RBFOX3: variants seen among roughly 807,000 people sequenced by gnomAD.
RBFOX3 encodes the protein RNA binding protein fox-1 homolog 3.
Under a neutral mutation model 48.7 loss-of-function variants are expected in RBFOX3, and 17 were observed. That is an observed-to-expected ratio of 0.35 (90% CI 0.24 to 0.52). The LOEUF (loss-of-function observed/expected upper bound fraction) is 0.52, where lower values mean the gene tolerates loss of function less well. Among genes scored for constraint, RBFOX3 ranks in the 20% least tolerant of loss-of-function variants. The pLI, the probability that RBFOX3 is intolerant of heterozygous loss-of-function variation, is 0.94. For missense variants in RBFOX3, 382 were observed against 497.5 expected (o/e 0.77, Z 2.21); for synonymous variants, 212 against 209.5 (o/e 1.01, Z -0.10).
At chr17:79,416,642 G>A (rs976236116) in intron 2 of RBFOX3, among the ~76,000 whole-genome samples, 13 of 152,206 alleles carry the variant, frequency 8.5e-5, no homozygotes. Flanking sequence ...GAAGCTGCAG[G>A]AGAAGTGGAG....
At chr17:79,215,263 G>T (rs2058883991) in intron 4 of RBFOX3, among the ~76,000 whole-genome samples, 1 of 151,916 alleles carries the variant, frequency 6.6e-6, no homozygotes, top group Non-Finnish European at 1.5e-5. Context: ...GCCCAGCAAC[G>T]CTGAGGCTGT....
At chr17:79,157,884 T>C (rs1168597397) in intron 4 of RBFOX3, among the ~76,000 whole-genome samples, 1 of 152,216 alleles carries the variant, frequency 6.6e-6, no homozygotes, top group Non-Finnish European at 1.5e-5. Context: ...GGGAGGCGAC[T>C]GCAAGCTAGG....
chr17:79,378,177 CCTGGAAAG>C (rs1438837600), intron 2 of RBFOX3, among the ~76,000 whole-genome samples: 2 of 152,064 alleles, frequency 1.3e-5, no homozygotes, highest in Non-Finnish European at 2.9e-5. Context: ...AGCCCAGAGC[CCTGGAAAG>C]CACCGAGCCT....
chr17:79,389,879 G>A (rs191152399), intron 2 of RBFOX3, among the ~76,000 whole-genome samples: 5 of 152,354 alleles, frequency 3.3e-5, no homozygotes, highest in South Asian at 2.1e-4. Context: ...GGAGACTAGC[G>A]TTTTCTGTTT....
chr17:79,570,715 C>A (rs1303722051), intron 1 of RBFOX3, among the ~76,000 whole-genome samples: 1 of 152,176 alleles, frequency 6.6e-6, no homozygotes, highest in Non-Finnish European at 1.5e-5. Flanking sequence ...GACCCTGACT[C>A]CACACTCTAG....
At position 79,228,371 on chromosome 17, in the gene RBFOX3, C is replaced by G. The variant is rs567024031; in HGVS notation, c.-34+7395G>C. On this transcript the variant is annotated intron_variant, in intron 4 of 14. Transcript: ENST00000693108. ...CCAGGGAGAAATTACTCTGCCCAAG[C>G]GGAACACGCCCGGACAAGCCTCCTC... Among the ~76,000 whole-genome samples, 14 of 152,260 alleles carry G rather than the reference C, an allele frequency of 9.2e-5. No individual in the cohort carries two copies. The South Asian group carries it at 2.9e-3, about 32-fold the overall frequency.
chr17:79,264,386 T>A (rs1310791213), intron 3 of RBFOX3, among the ~76,000 whole-genome samples: 2 of 143,314 alleles, frequency 1.4e-5, no homozygotes, highest in African/African-American at 5.2e-5. Flanking sequence ...TTTTTTTTTT[T>A]AAAGACGGGG....
intron 1 of RBFOX3, among the ~76,000 whole-genome samples, chr17:79,548,453 C>T (rs1198903548): frequency 7.2e-5 from 11 of 152,232 alleles, no homozygotes; most frequent in Non-Finnish European, 1.6e-4. Flanking sequence ...GCCTGGCAGC[C>T]CCGTGGCACG....
Position 79,483,341 on chromosome 17 carries a change from C to G in RBFOX3, c.-319-743G>C, listed in dbSNP as rs1404618200. 2.0e-5 allele frequency among the ~76,000 whole-genome samples: 3 copies of G among 151,818 alleles called. No individual in the cohort carries two copies. The South Asian group carries it at 6.2e-4, about 32-fold the overall frequency. ...CCCTGCAGCCCCACTGGCTTCCTGG[C>G]CATCCCTCCACACAGGCGCATGCCT... On this transcript the variant is annotated intron_variant, in intron 1 of 14. Transcript: ENST00000693108.
At chr17:79,223,504 C>T (rs2059964664) in intron 4 of RBFOX3, among the ~76,000 whole-genome samples, 1 of 152,244 alleles carries the variant, frequency 6.6e-6, no homozygotes, top group African/African-American at 2.4e-5. Context: ...TCCACACATG[C>T]CCTGGAGGTC....
At chr17:79,469,506 G>A (rs1049592614) in intron 2 of RBFOX3, among the ~76,000 whole-genome samples, 11 of 152,146 alleles carry the variant, frequency 7.2e-5, no homozygotes, top group South Asian at 2.1e-4. Context: ...TCCCTGTGCC[G>A]TCCCTGTCCC....
chr17:79,337,034 C>T (rs142276051), intron 2 of RBFOX3, among the ~76,000 whole-genome samples: 1,912 of 152,232 alleles, frequency 0.013, 17 homozygotes, highest in Non-Finnish European at 0.018. Flanking sequence ...GCAGAAGAAT[C>T]GCTTGAACCT....
At chr17:79,236,409 C>T (rs1052055494) in intron 3 of RBFOX3, among the ~76,000 whole-genome samples, 4 of 152,084 alleles carry the variant, frequency 2.6e-5, no homozygotes, top group Non-Finnish European at 5.9e-5. Context: ...GTGCCTCAGC[C>T]GCCCTAGTAG....
chr17:79,144,024 C>A (rs1423840180), intron 4 of RBFOX3, among the ~76,000 whole-genome samples: 1 of 152,224 alleles, frequency 6.6e-6, no homozygotes, highest in East Asian at 1.9e-4. Flanking sequence ...GCCCCCGTGC[C>A]CAGCTCTGCC....
At chr17:79,396,770 C>T (rs2062039299) in intron 2 of RBFOX3, among the ~76,000 whole-genome samples, 1 of 152,234 alleles carries the variant, frequency 6.6e-6, no homozygotes, top group African/African-American at 2.4e-5. Context: ...ACATAATTTG[C>T]AGGGACCATC....
In RBFOX3 at chr17:79,104,776, C is replaced by G. The variant is rs992120191; in HGVS notation, c.361-650G>C. On this transcript the variant is annotated intron_variant, in intron 6 of 14. Transcript: ENST00000693108. ...CTGGTTGGGAAATGGGACCCTCAGG[C>G]CTCCCTGAGATGGGGAGGAGGTTGG... Among the ~76,000 whole-genome samples the G allele has an allele frequency of 2.0e-5, 3 of 152,050 alleles. No homozygotes were observed. In the East Asian group the frequency reaches 5.8e-4, roughly 29 times the overall value.
At position 79,535,036 on chromosome 17, in the gene RBFOX3, C is replaced by T. The variant is rs1555788384; in HGVS notation, c.-319-52438G>A. The stretch of plus-strand genomic sequence containing the variant: ...TTAGGATGCTTTCAGCTGCACCCAA[C>T]AGAAACCTGACCCAAACTGGCTGAA... On this transcript the variant is annotated intron_variant, in intron 1 of 14. Transcript: ENST00000693108. The surrounding 1 kb of genome is among the most constrained non-coding windows in gnomAD (Gnocchi z 4.5). 6.6e-6 allele frequency among the ~76,000 whole-genome samples: 1 copy of T among 152,216 alleles called. No individual in the cohort carries two copies. The highest frequency in any genetic ancestry group is 2.4e-5 in the African/African-American group (1 of 41,454).
At chr17:79,347,199 T>C (rs1367305419) in intron 2 of RBFOX3, among the ~76,000 whole-genome samples, 1 of 152,224 alleles carries the variant, frequency 6.6e-6, no homozygotes, top group Non-Finnish European at 1.5e-5. Flanking sequence ...CTGGCATAGC[T>C]GTTGAAAATC....
At chr17:79,556,752 G>C (rs1456712243) in intron 1 of RBFOX3, among the ~76,000 whole-genome samples, 1 of 152,182 alleles carries the variant, frequency 6.6e-6, no homozygotes, top group African/African-American at 2.4e-5. Flanking sequence ...ATCTATCAAC[G>C]TCTTGAGATG....
Sources: allele counts gnomAD v4.1 joint callset (sites outside exome capture counted in the v4.1 genomes callset), GRCh38; gene constraint gnomAD v4.1.1; non-coding constraint Gnocchi (gnomAD v3.1); transcripts MANE v1.5; gene names NCBI Gene and HGNC (gene_info 2026-07-23, HGNC 2026-07-21).